ZFAT: variants seen among roughly 807,000 people sequenced by gnomAD.
ZFAT encodes the protein zinc finger and AT-hook domain containing.
A neutral mutation model predicts 117.7 loss-of-function variants in ZFAT; 64 were observed. The observed-to-expected ratio is 0.54, with a 90% CI of 0.44 to 0.67. The LOEUF (loss-of-function observed/expected upper bound fraction) is 0.67. ZFAT is among the 30% of genes least tolerant of loss of function. The pLI is 0.00. For missense variants in ZFAT, 1,433 were observed against 1,584.5 expected (o/e 0.90, Z 1.62); for synonymous variants, 679 against 615.0 (o/e 1.10, Z -1.54).
chr8:134,486,713 C>G (rs1817679701), intron 15 of ZFAT, among the ~76,000 whole-genome samples: 1 of 152,120 alleles, frequency 6.6e-6, no homozygotes, highest in Admixed American at 6.5e-5. Flanking sequence ...AGAAAGCCAC[C>G]AGGAGAACAG....
chr8:134,808,192 G>C, the ZFAT span, among the ~76,000 whole-genome samples: 3 of 152,302 alleles, frequency 2.0e-5, no homozygotes, highest in South Asian at 4.1e-4. Context: ...ATGCAGAAAC[G>C]TATGTAGTAT....
intron 13 of ZFAT, among the ~76,000 whole-genome samples, chr8:134,514,609 C>G (rs866412878): frequency 3.9e-5 from 6 of 152,266 alleles, no homozygotes; most frequent in Middle Eastern, 3.4e-3. Context: ...AACACTGAGC[C>G]ATGAGGGTTA....
At chr8:134,705,477 A>C (rs1834125703) in intron 1 of ZFAT, among the ~76,000 whole-genome samples, 1 of 149,194 alleles carries the variant, frequency 6.7e-6, no homozygotes, top group African/African-American at 2.5e-5. Context: ...TCAGACTCCC[A>C]AAATGCTGAG....
In ZFAT at chr8:134,600,782, G is replaced by A. The variant is rs16905195; in HGVS notation, c.2243-114C>T. On this transcript the variant is annotated intron_variant, in intron 6 of 15. Coordinates refer to ENST00000377838, the MANE Select transcript of ZFAT (RefSeq NM_020863.4). Reference sequence around the variant, plus strand: ...ATCTATCTCCCTCTTGCGCTTGTCCGGGTCACCCTTCATACTTTTCACCAC... The same window carrying A: ...ATCTATCTCCCTCTTGCGCTTGTCCAGGTCACCCTTCATACTTTTCACCAC... 0.017 allele frequency: 14,768 copies of A among 858,700 alleles called. 1,552 individuals carry two copies. In the African/African-American group the frequency reaches 0.22, roughly 13 times the overall value. 53.2% of individuals were successfully genotyped at this position (858,700 alleles called of 1,614,324 possible). A position where few individuals can be genotyped will look rare whatever the true frequency, so the allele number is the denominator to read the frequency against.
chr8:134,697,545 G>A (rs1366056735), intron 1 of ZFAT, among the ~76,000 whole-genome samples: 1 of 150,202 alleles, frequency 6.7e-6, no homozygotes, highest in Non-Finnish European at 1.5e-5. Flanking sequence ...GGCTAACACG[G>A]CGAAACCCCG....
chr8:134,705,783 C>A (rs562939328), intron 1 of ZFAT, among the ~76,000 whole-genome samples: 1 of 151,950 alleles, frequency 6.6e-6, no homozygotes, highest in Non-Finnish European at 1.5e-5. Context: ...AGGTGATCCA[C>A]CCGCCTTGGC....
At chr8:134,787,917 G>A in the ZFAT span, among the ~76,000 whole-genome samples, 1 of 152,008 alleles carries the variant, frequency 6.6e-6, no homozygotes, top group Non-Finnish European at 1.5e-5. Flanking sequence ...TACAATTTCT[G>A]TATAGTTTGT....
intron 11 of ZFAT, among the ~76,000 whole-genome samples, chr8:134,557,431 G>A (rs955180976): frequency 1.3e-5 from 2 of 152,150 alleles, no homozygotes; most frequent in Non-Finnish European, 2.9e-5. Flanking sequence ...TACAAACTAA[G>A]AAAATCTGAA....
the ZFAT span, among the ~76,000 whole-genome samples, chr8:134,762,244 T>C: frequency 1.3e-5 from 2 of 152,218 alleles, no homozygotes; most frequent in African/African-American, 2.4e-5. Context: ...ACCACATCAT[T>C]CCTGGTCTCT....
At chr8:134,501,537 T>C (rs961088137) in intron 15 of ZFAT, among the ~76,000 whole-genome samples, 1 of 152,174 alleles carries the variant, frequency 6.6e-6, no homozygotes, top group Non-Finnish European at 1.5e-5. Context: ...AAAAAACCGT[T>C]ACGGGAAAGT....
At chr8:134,726,444 C>T in the ZFAT span, among the ~76,000 whole-genome samples, 2 of 152,202 alleles carry the variant, frequency 1.3e-5, no homozygotes, top group Non-Finnish European at 2.9e-5. Flanking sequence ...GCATTTTCCC[C>T]TTACCAGTCG....
chr8:134,495,855 G>A (rs1177788417), intron 15 of ZFAT, among the ~76,000 whole-genome samples: 1 of 152,098 alleles, frequency 6.6e-6, no homozygotes, highest in Middle Eastern at 3.2e-3. Flanking sequence ...GCTTGAGTAG[G>A]GGAGGTTGAG....
intron 1 of ZFAT, among the ~76,000 whole-genome samples, chr8:134,692,340 C>A (rs1283184578): frequency 6.6e-6 from 1 of 152,156 alleles, no homozygotes; most frequent in African/African-American, 2.4e-5. Context: ...GAAACCAGAA[C>A]CAAGACAAAG....
intron 15 of ZFAT, among the ~76,000 whole-genome samples, chr8:134,492,898 A>G (rs1029809939): frequency 6.6e-6 from 1 of 152,238 alleles, no homozygotes; most frequent in Non-Finnish European, 1.5e-5. Flanking sequence ...GGAGATATTC[A>G]CAGGCAGGAA....
intron 1 of ZFAT, among the ~76,000 whole-genome samples, chr8:134,695,428 G>A (rs1286915713): frequency 1.4e-5 from 2 of 148,058 alleles, no homozygotes; most frequent in South Asian, 2.1e-4. Flanking sequence ...TCCAACCAAG[G>A]AGGCGACACC....
At chr8:134,616,753 C>T (rs957592112) in intron 3 of ZFAT, among the ~76,000 whole-genome samples, 4 of 152,170 alleles carry the variant, frequency 2.6e-5, no homozygotes, top group African/African-American at 9.7e-5. Context: ...CTGAGCAGCA[C>T]AGGGGCTGGT....
chr8:134,567,751 C>T (rs886858423), intron 10 of ZFAT, among the ~76,000 whole-genome samples: 3 of 145,178 alleles, frequency 2.1e-5, no homozygotes, highest in African/African-American at 7.5e-5. Flanking sequence ...GCTCATAACA[C>T]TGAACTCCTT....
At chr8:134,610,269 C>T (rs1185899627) in intron 4 of ZFAT, among the ~76,000 whole-genome samples, 1 of 152,230 alleles carries the variant, frequency 6.6e-6, no homozygotes, top group Non-Finnish European at 1.5e-5. Flanking sequence ...CTCACAGCAG[C>T]CCTCACAGCT....
the ZFAT span, chr8:134,785,219 C>T: frequency 1.3e-5 from 2 of 152,172 alleles, no homozygotes; most frequent in Non-Finnish European, 2.9e-5. Flanking sequence ...ATATATCACT[C>T]ATTTATTCCC....
Sources: gnomAD v4.1 joint callset for allele counts (sites outside exome capture counted in the v4.1 genomes callset) on GRCh38, gnomAD v4.1.1 for gene constraint, MANE v1.5 for transcripts, NCBI Gene and HGNC (gene_info 2026-07-23, HGNC 2026-07-21) for gene names.